Variants in RFX4 observed in about 807,000 individuals in gnomAD.
The protein encoded by RFX4 is regulatory factor X4, also known as transcription factor RFX4.
Under a neutral mutation model 95.0 loss-of-function variants are expected in RFX4, and 10 were observed. That is an observed-to-expected ratio of 0.11 (90% CI 0.06 to 0.18). RFX4 has a LOEUF of 0.18. Among genes scored for constraint, RFX4 ranks in the 10% least tolerant of loss-of-function variants. RFX4 has a pLI of 1.00. For synonymous variants in RFX4, 321 were observed against 340.7 expected (o/e 0.94, Z 0.64); for missense variants, 640 against 922.0 (o/e 0.69, Z 3.96).
intron 4 of RFX4, among the ~76,000 whole-genome samples, chr12:106,663,830 T>C (rs906202003): frequency 3.3e-5 from 5 of 151,830 alleles, no homozygotes; most frequent in Non-Finnish European, 5.9e-5. Context: ...GATATGATCA[T>C]ATAATTTTTT....
intron 5 of RFX4, chr12:106,684,761 A>T (rs553257712): frequency 6.4e-4 from 989 of 1,534,136 alleles, no homozygotes; most frequent in Non-Finnish European, 7.2e-4. Flanking sequence ...CGGAAGGCAC[A>T]GAAGGCAGAC....
intron 2 of RFX4, among the ~76,000 whole-genome samples, chr12:106,617,420 C>T (rs1195880264): frequency 6.6e-6 from 1 of 152,184 alleles, no homozygotes; most frequent in Admixed American, 6.5e-5. Context: ...CAACATTTTT[C>T]TGATATCACA....
chr12:106,614,167 CT>C (rs952770146), intron 2 of RFX4, among the ~76,000 whole-genome samples: 44 of 146,264 alleles, frequency 3.0e-4, no homozygotes, highest in Middle Eastern at 3.6e-3. Flanking sequence ...CTCTTCATGT[CT>C]TTTTTTTTTT....
rs576681204 is a variant in RFX4 at position 106,662,280 on chromosome 12, G to A, written c.315+7929G>A. The A allele has an allele frequency of 2.3e-4, 54 of 238,080 alleles. 1 individual carries two copies. Among genetic ancestry groups the A allele is most frequent in the South Asian group, 1.3e-3 (27 of 20,490 alleles). 14.7% of individuals were successfully genotyped at this position (238,080 alleles called of 1,614,324 possible). On this transcript the variant is annotated intron_variant, in intron 4 of 17. Transcript: ENST00000392842. ...TCTAATAGGTATGTAGTGGTATGTC[G>A]TTGTTTTAATTTGCATTTCCCTGAT... is the stretch of plus-strand genomic sequence containing the variant.
chr12:106,595,236 C>T (rs965141883), intron 1 of RFX4, among the ~76,000 whole-genome samples: 1 of 152,178 alleles, frequency 6.6e-6, no homozygotes, highest in African/African-American at 2.4e-5. Context: ...GATTTGAACA[C>T]GGATTACTGT....
At chr12:106,722,845 T>A (rs530160841) in intron 13 of RFX4, among the ~76,000 whole-genome samples, 10 of 152,190 alleles carry the variant, frequency 6.6e-5, no homozygotes, top group Non-Finnish European at 1.3e-4. Flanking sequence ...TCTGCTTATA[T>A]ATGTCAAAGA....
chr12:106,670,566 C>T (rs1328803236), intron 4 of RFX4, among the ~76,000 whole-genome samples: 1 of 152,250 alleles, frequency 6.6e-6, no homozygotes, highest in African/African-American at 2.4e-5. Context: ...ACTTCTGTCT[C>T]ATTGCCCTCA....
chr12:106,591,262 C>T (rs2374623), intron 1 of RFX4, among the ~76,000 whole-genome samples: 72,052 of 81,456 alleles, frequency 0.88, 31,604 homozygotes, highest in Middle Eastern at 0.93. Flanking sequence ...AAAATAGTCC[C>T]TTTTTTTTTT....
intron 10 of RFX4, among the ~76,000 whole-genome samples, chr12:106,712,630 G>GA (rs1209620970): frequency 2.6e-5 from 4 of 152,072 alleles, no homozygotes; most frequent in African/African-American, 9.7e-5. Flanking sequence ...CCTGCCCCTG[G>GA]CATGGACAGC....
chr12:106,652,799 T>G (rs558213673), intron 3 of RFX4, among the ~76,000 whole-genome samples: 3 of 152,138 alleles, frequency 2.0e-5, no homozygotes, highest in African/African-American at 7.2e-5. Context: ...GTGGGCACCT[T>G]GGGGGGCCGT....
Position 106,750,855 on chromosome 12 carries a change from A to T in RFX4, c.1935+62A>T, listed in dbSNP as rs539793929. The T allele has an allele frequency of 2.8e-6, 4 of 1,440,080 alleles. No individual in the cohort carries two copies. In the South Asian group the frequency reaches 6.8e-5, roughly 25 times the overall value. 89.2% of individuals were successfully genotyped at this position (1,440,080 alleles called of 1,614,324 possible). ...GTATACTTGGTGCCAAATCTGGTTA[A>T]CACAGTTCATAAACTGTTATGCATA... is the stretch of plus-strand genomic sequence containing the variant. On this transcript the variant is annotated intron_variant, in intron 17 of 17. Transcript: ENST00000392842.
At chr12:106,646,075 G>C in intron 3 of RFX4, 2 of 583,680 alleles carry the variant, frequency 3.4e-6, no homozygotes, top group Non-Finnish European at 5.5e-6. Context: ...GCCATTTGAC[G>C]GGCAATTTTG....
Position 106,646,020 on chromosome 12 carries a change from T to TA in RFX4, c.191+6635dup, listed in dbSNP as rs1181081515. 1.3e-5 allele frequency: 14 copies of TA among 1,117,458 alleles called. No individual in the cohort carries two copies. The East Asian group carries it at 3.5e-4, about 28-fold the overall frequency. 69.2% of individuals were successfully genotyped at this position (1,117,458 alleles called of 1,614,324 possible). A position where few individuals can be genotyped will look rare whatever the true frequency, so the allele number is the denominator to read the frequency against. Reference sequence around the variant, plus strand: ...TGTGTTGTGGAACCACAACTTTTTTTAAAAAAAGTATTTTGTGCTGTGGGT... The same window carrying TA: ...TGTGTTGTGGAACCACAACTTTTTTTAAAAAAAAGTATTTTGTGCTGTGGGT... On this transcript the variant is annotated intron_variant, in intron 3 of 17. Transcript: ENST00000392842.
intron 1 of RFX4, among the ~76,000 whole-genome samples, chr12:106,593,531 T>C (rs1232094938): frequency 6.6e-6 from 1 of 152,228 alleles, no homozygotes; most frequent in Non-Finnish European, 1.5e-5. Flanking sequence ...TGATTGACAA[T>C]TACATCTCCA....
chr12:106,627,771 G>A (rs974770186), intron 2 of RFX4, among the ~76,000 whole-genome samples: 2 of 152,060 alleles, frequency 1.3e-5, no homozygotes, highest in African/African-American at 4.8e-5. Context: ...TATCTGTTGT[G>A]GAGAGGAGAA....
At chr12:106,646,215 G>A (rs1200963743) in intron 3 of RFX4, among the ~76,000 whole-genome samples, 1 of 151,924 alleles carries the variant, frequency 6.6e-6, no homozygotes, top group Non-Finnish European at 1.5e-5. Flanking sequence ...ATTCATAATG[G>A]CAAAGTGCAG....
chr12:106,614,699 C>A (rs1592852201), intron 2 of RFX4, among the ~76,000 whole-genome samples: 1 of 151,676 alleles, frequency 6.6e-6, no homozygotes, highest in Non-Finnish European at 1.5e-5. Flanking sequence ...TTAGTAGAGA[C>A]GGGGTTTCAC....
intron 4 of RFX4, among the ~76,000 whole-genome samples, chr12:106,659,239 T>C (rs2041022758): frequency 1.3e-5 from 2 of 152,020 alleles, no homozygotes. Context: ...GGGGTCTGGC[T>C]ATCTGTGGCT....
rs922108602 is a variant in RFX4 at position 106,669,886 on chromosome 12, A to G, written c.316-12107A>G. The stretch of plus-strand genomic sequence containing the variant: ...TGTGTGTGTGTGTGTGTGTAGTGCC[A>G]TGTAAAACTCTGGGGGGTCAAACTC... On this transcript the variant is annotated intron_variant, in intron 4 of 17. Coordinates refer to ENST00000392842, the MANE Select transcript of RFX4 (RefSeq NM_213594.3). Among the ~76,000 whole-genome samples, 9 of 122,692 alleles carry G rather than the reference A, an allele frequency of 7.3e-5. 1 individual carries two copies. In the East Asian group the frequency reaches 2.0e-3, roughly 27 times the overall value. The allele number at this position is 122,692 out of a possible 152,430, so 80.5% of individuals were successfully genotyped here.
Sources: allele counts gnomAD v4.1 joint callset (sites outside exome capture counted in the v4.1 genomes callset), GRCh38; gene constraint gnomAD v4.1.1; transcripts MANE v1.5; gene names NCBI Gene and HGNC (gene_info 2026-07-23, HGNC 2026-07-21).